FHL1: variants seen among roughly 807,000 people sequenced by gnomAD.
FHL1 encodes the protein four and a half LIM domains protein 1.
A neutral mutation model predicts 20.3 loss-of-function variants in FHL1; 1 was observed. That is an observed-to-expected ratio of 0.05 (90% CI 0.02 to 0.23). The LOEUF is 0.23. FHL1 is among the 10% of genes least tolerant of loss of function. The probability of loss-of-function intolerance (pLI) is 1.00; values close to 1 mark genes in which losing one functional copy is unlikely to be tolerated. For missense variants in FHL1, 177 were observed against 234.0 expected, an observed-to-expected ratio of 0.76 and a Z score of 1.59; for synonymous variants, 82 against 88.9, an observed-to-expected ratio of 0.92 and a Z score of 0.44.
chrX:136,185,483 T>G (rs185809097), intron 2 of FHL1, among the ~76,000 whole-genome samples: 2 of 111,979 alleles, frequency 1.8e-5, no homozygotes, highest in Non-Finnish European at 3.8e-5. Context: ...CAGCCCCTTT[T>G]CTGAAGTCCG....
intron 2 of FHL1, among the ~76,000 whole-genome samples, chrX:136,191,456 C>T (rs2073429735): frequency 8.9e-6 from 1 of 111,799 alleles, no homozygotes; most frequent in South Asian, 3.8e-4. Context: ...ATCCAGGTCA[C>T]GGCTTGATCT....
upstream of FHL1, among the ~76,000 whole-genome samples, chrX:136,167,407 A>C (rs1275477634): frequency 9.1e-6 from 1 of 109,544 alleles, no homozygotes; most frequent in Admixed American, 9.8e-5. Context: ...GGGTTTCATC[A>C]TGTTGGCCAG....
chrX:136,150,777 A>G (rs1274945543), intron 1 of FHL1, among the ~76,000 whole-genome samples: 2 of 112,440 alleles, frequency 1.8e-5, no homozygotes, highest in East Asian at 5.5e-4. Context: ...AAGTTATGAA[A>G]ATGAAAAATA....
At chrX:136,156,978 C>T (rs2072437555) in intron 1 of FHL1, among the ~76,000 whole-genome samples, 1 of 71,445 alleles carries the variant, frequency 1.4e-5, no homozygotes, top group African/African-American at 4.5e-5. Flanking sequence ...TTCTCAGAGA[C>T]TAAGGAATAC....
At chrX:136,162,822 G>A (rs1197564591) in intron 1 of FHL1, among the ~76,000 whole-genome samples, 2 of 112,054 alleles carry the variant, frequency 1.8e-5, no homozygotes, top group East Asian at 2.8e-4. Context: ...GGGGTGGGGC[G>A]CTGACTTTGT....
At chrX:136,169,879 T>C (rs1395243792) in intron 1 of FHL1, 1 of 331,264 alleles carries the variant, frequency 3.0e-6, no homozygotes, top group South Asian at 2.6e-5. Flanking sequence ...ACTTTGCCTC[T>C]TGATTCTCAT....
chrX:136,159,156 A>G (rs1437819138), intron 1 of FHL1, among the ~76,000 whole-genome samples: 1 of 106,570 alleles, frequency 9.4e-6, no homozygotes, highest in African/African-American at 3.4e-5. Context: ...AAAAAAGTCT[A>G]CTAATTAAAA....
chrX:136,211,133 C>A lies in FHL1; in HGVS notation c.*1108C>A, dbSNP rs1228771620. On this transcript the variant is annotated 3_prime_UTR_variant, in exon 6 of 6. Coordinates refer to ENST00000370683, the MANE Select transcript of FHL1 (RefSeq NM_001159699.2). ...AGAGGAAATCTGGATTTCCACCTAC[C>A]GCTTACCTGAAATGCAGGATCACCT... 6 of 371,966 alleles carry A rather than the reference C, an allele frequency of 1.6e-5. No homozygotes were observed. In the East Asian group the frequency reaches 2.4e-4, roughly 15 times the overall value. 30.7% of individuals were successfully genotyped at this position (371,966 alleles called of 1,213,427 possible). A position where few individuals can be genotyped will look rare whatever the true frequency, so the allele number is the denominator to read the frequency against.
At chrX:136,164,357 C>G (rs962761257) in intron 1 of FHL1, among the ~76,000 whole-genome samples, 1 of 109,273 alleles carries the variant, frequency 9.2e-6, no homozygotes, top group African/African-American at 3.3e-5. Flanking sequence ...CAGGCACGCA[C>G]CACCATGTCT....
At chrX:136,153,947 C>T (rs2072344084) in intron 1 of FHL1, among the ~76,000 whole-genome samples, 1 of 111,610 alleles carries the variant, frequency 9.0e-6, no homozygotes, top group African/African-American at 3.3e-5. Flanking sequence ...TAGCCTCTTC[C>T]TGGCAGCTAT....
In FHL1 at chrX:136,211,268, T is replaced by C. The variant is rs1238244205; in HGVS notation, c.*1243T>C. ...TTCTTGTAGGAGTGGTTAGAGAAGC[T>C]GATGCCTCATTTCTACATTCTGTCA... On this transcript the variant is annotated 3_prime_UTR_variant, in exon 6 of 6. Transcript: ENST00000370683. 3.0e-6 allele frequency: 1 copy of C among 333,124 alleles called. No homozygotes were observed. Among genetic ancestry groups the C allele is most frequent in the African/African-American group, 2.6e-5 (1 of 38,381 alleles). 27.5% of individuals were successfully genotyped at this position (333,124 alleles called of 1,213,427 possible). A position where few individuals can be genotyped will look rare whatever the true frequency, so the allele number is the denominator to read the frequency against.
At chrX:136,193,027 A>G (rs1025127916), upstream of FHL1, among the ~76,000 whole-genome samples, 17 of 110,399 alleles carry the variant, frequency 1.5e-4, no homozygotes, top group Admixed American at 4.8e-4. Flanking sequence ...ATTGAGAAAA[A>G]AACTTGCAGT....
At chrX:136,176,499 G>A (rs1437853789) in intron 2 of FHL1, among the ~76,000 whole-genome samples, 2 of 111,533 alleles carry the variant, frequency 1.8e-5, no homozygotes, top group African/African-American at 3.3e-5. Context: ...ATTGCCTCTG[G>A]AGCTTCATGT....
At position 136,208,442 on chromosome X, in the gene FHL1, C is replaced by A. The variant is rs372709825; in HGVS notation, c.550-13C>A. On this transcript the variant is annotated splice_polypyrimidine_tract_variant and intron_variant, in intron 4 of 5. Coordinates refer to ENST00000370683, the MANE Select transcript of FHL1 (RefSeq NM_001159699.2). ...TGTTGAATCTGAATCCGGTGCTACA[C>A]TCCCTGGTCTAGGCCATCACATCTG... is the stretch of plus-strand genomic sequence containing the variant. 8.3e-7 allele frequency: 1 copy of A among 1,211,181 alleles called. No individual in the cohort carries two copies. The highest frequency in any genetic ancestry group is 1.1e-6 in the Non-Finnish European group (1 of 894,710).
At chrX:136,156,245 A>T (rs1469639448) in intron 1 of FHL1, among the ~76,000 whole-genome samples, 3 of 109,215 alleles carry the variant, frequency 2.7e-5, no homozygotes, top group African/African-American at 1.0e-4. Context: ...AACTGTCTGG[A>T]TGTTATTCCT....
In FHL1 at chrX:136,208,609, A is replaced by G; in HGVS notation, c.704A>G (p.Lys235Arg). The G allele has an allele frequency of 8.3e-7, 1 of 1,211,511 alleles. No individual in the cohort carries two copies. The highest frequency in any genetic ancestry group is 1.1e-6 in the Non-Finnish European group (1 of 895,371). The stretch of plus-strand genomic sequence containing the variant: ...GATTGCTACAAGAACTTTGTGGCCA[A>G]GAAGTGTGCTGGATGCAAGAACCCC... ...CVDCYKNFVAKKCAGCKNPIT... is the reference protein window; with the variant it reads ...CVDCYKNFVARKCAGCKNPIT... The change falls in exon 5 of 6, where the codon AAG (lysine) becomes AGG (arginine). Residue 235 changes from lysine to arginine, a missense_variant. Coordinates refer to ENST00000370683, the MANE Select transcript of FHL1 (RefSeq NM_001159699.2).
chrX:136,152,966 T>C (rs894689454), intron 1 of FHL1, among the ~76,000 whole-genome samples: 1 of 111,864 alleles, frequency 8.9e-6, no homozygotes, highest in African/African-American at 3.2e-5. Context: ...CTGGAAGTTA[T>C]GGAAATCTGT....
At chrX:136,197,167 C>G (rs2073578730) in intron 1 of FHL1, 33 bp downstream of exon 1, 1 of 1,181,963 alleles carries the variant, frequency 8.5e-7, no homozygotes. Context: ...TTATATTGAG[C>G]ACAGTTTTGT....
rs1405530823 is a variant in FHL1, at chrX:136,209,020, A to G, written c.736+379A>G. On this transcript the variant is annotated intron_variant, in intron 5 of 5. Transcript: ENST00000370683. ...CCGAAGAGTGATAACCCGGGATTGTAATACCCCATAGCTGAAGGCTAGTTC... is the reference window on the plus strand; with the variant it reads ...CCGAAGAGTGATAACCCGGGATTGTGATACCCCATAGCTGAAGGCTAGTTC... 9 of 428,787 alleles carry G rather than the reference A, an allele frequency of 2.1e-5. No homozygotes were observed. In the Admixed American group the frequency reaches 3.4e-4, roughly 16 times the overall value. 35.3% of individuals were successfully genotyped at this position (428,787 alleles called of 1,213,427 possible). A position where few individuals can be genotyped will look rare whatever the true frequency, so the allele number is the denominator to read the frequency against.
Sources: allele counts gnomAD v4.1 joint callset (sites outside exome capture counted in the v4.1 genomes callset), GRCh38; gene constraint gnomAD v4.1.1; transcripts MANE v1.5; gene names NCBI Gene and HGNC (gene_info 2026-07-23, HGNC 2026-07-21).